Variants in STK10 observed in about 807,000 individuals in gnomAD.
The protein encoded by STK10 is serine/threonine kinase 10, also known as serine/threonine-protein kinase 10.
In STK10, 78 loss-of-function variants were observed where a neutral mutation model predicts 113.8. The observed-to-expected ratio is 0.69, with a 90% CI of 0.57 to 0.83. The LOEUF is 0.83. Among genes scored for constraint, STK10 ranks in the 40% least tolerant of loss-of-function variants. The pLI, the probability that STK10 is intolerant of heterozygous loss-of-function variation, is 0.00. For missense variants in STK10, 1,109 were observed against 1,280.1 expected (o/e 0.87, Z 2.04); for synonymous variants, 465 against 494.7 (o/e 0.94, Z 0.80).
At position 172,102,601 on chromosome 5, in the gene STK10, G is replaced by GT. The variant is rs1416811655; in HGVS notation, c.870+3054dup. On this transcript the variant is annotated intron_variant, in intron 7 of 18. Transcript: ENST00000176763. ...GAAGGAGAGGCTTATGACCAAGGGT[G>GT]TGTGGAGGCCTGGAGGTCGAGTGCC... Among the ~76,000 whole-genome samples, 6 of 152,156 alleles carry GT rather than the reference G, an allele frequency of 3.9e-5. No individual in the cohort carries two copies. The East Asian group carries it at 1.2e-3, about 29-fold the overall frequency.
At chr5:172,069,037 C>A (rs55938546) in intron 12 of STK10, among the ~76,000 whole-genome samples, 22,972 of 151,890 alleles carry the variant, frequency 0.15, 1,860 homozygotes, top group African/African-American at 0.18. Context: ...TATAATGCCC[C>A]AGAGCAACCA....
At chr5:172,055,482 G>C (rs1483400735) in intron 16 of STK10, 106 bp downstream of exon 16, 2 of 1,155,666 alleles carry the variant, frequency 1.7e-6, no homozygotes, top group South Asian at 3.2e-5. Flanking sequence ...GAGCCAGCCT[G>C]CATCTTGTTT....
rs1422388049 is a variant in STK10, at chr5:172,105,664, G to A, written c.862C>T (p.Leu288=). Reference sequence around the variant, plus strand: ...GAGGGGAATCCACTCACCTCCAGCAGCTGCGCGGCACTGGGTCGGGTTTCT... The same window carrying A: ...GAGGGGAATCCACTCACCTCCAGCAACTGCGCGGCACTGGGTCGGGTTTCT... ...NPETRPSAAQ[L]LEHPFVSSIT... is the part of the protein sequence containing the mutation. The change falls in exon 7 of 19, where the codon CTG becomes TTG. Residue 288 remains leucine (L), a synonymous_variant. Coordinates refer to ENST00000176763, the MANE Select transcript of STK10 (RefSeq NM_005990.4). The A allele has an allele frequency of 2.5e-6, 4 of 1,613,826 alleles. No individual in the cohort carries two copies. Among genetic ancestry groups the A allele is most frequent in the East Asian group, 4.5e-5 (2 of 44,882 alleles).
intron 7 of STK10, among the ~76,000 whole-genome samples, chr5:172,100,753 C>T (rs1235340489): frequency 6.6e-6 from 1 of 152,148 alleles, no homozygotes; most frequent in Admixed American, 6.6e-5. Context: ...GGCCACTGTA[C>T]TCCAGCCTGG....
intron 1 of STK10, among the ~76,000 whole-genome samples, chr5:172,176,400 C>T (rs1770759040): frequency 6.6e-6 from 1 of 152,194 alleles, no homozygotes; most frequent in Non-Finnish European, 1.5e-5. Context: ...TCACCTCTCA[C>T]CTGTCACCTC....
In STK10 at chr5:172,188,069, G is replaced by A. The variant is rs768978478; in HGVS notation, c.-27C>T. On this transcript the variant is annotated 5_prime_UTR_variant, in exon 1 of 19. Coordinates refer to ENST00000176763, the MANE Select transcript of STK10 (RefSeq NM_005990.4). The surrounding 1 kb of genome is among the most constrained non-coding windows in gnomAD (Gnocchi z 5.6). Reference sequence around the variant, plus strand: ...GCCGGGGGCGCGGTGGCGCCGGCTCGGGCTCGGGCTCGGGCTCGGGCTGTG... The same window carrying A: ...GCCGGGGGCGCGGTGGCGCCGGCTCAGGCTCGGGCTCGGGCTCGGGCTGTG... The A allele has an allele frequency of 3.8e-5, 60 of 1,585,570 alleles. No homozygotes were observed. In the South Asian group the frequency reaches 6.4e-4, roughly 17 times the overall value.
rs1453667322 is a variant in STK10 at position 172,082,079 on chromosome 5, A to G, written c.1989+247T>C. ...TTGCTAAGCTGGGAGGATGTAAAGG[A>G]AGCTGCCTGAGGCCACAGGGTGAGG... On this transcript the variant is annotated intron_variant, in intron 12 of 18. Coordinates refer to ENST00000176763, the MANE Select transcript of STK10 (RefSeq NM_005990.4). This position sits in a 1 kb window ranked among gnomAD's most constrained non-coding sequence, Gnocchi z 4.3. 6.6e-6 allele frequency among the ~76,000 whole-genome samples: 1 copy of G among 152,112 alleles called. No homozygotes were observed. The highest frequency in any genetic ancestry group is 1.9e-4 in the East Asian group (1 of 5,180).
chr5:172,177,172 TA>T (rs748019558), intron 1 of STK10, among the ~76,000 whole-genome samples: 19 of 140,778 alleles, frequency 1.3e-4, no homozygotes, highest in East Asian at 4.1e-4. Flanking sequence ...GTGCAGTCTT[TA>T]AAAAAAAAAA....
At chr5:172,135,072 A>C (rs1419499714) in intron 2 of STK10, among the ~76,000 whole-genome samples, 4 of 152,218 alleles carry the variant, frequency 2.6e-5, no homozygotes, top group African/African-American at 9.7e-5. Flanking sequence ...AATAGGCAAA[A>C]GATTTGAATA....
At chr5:172,152,095 C>T (rs1048677088) in intron 2 of STK10, among the ~76,000 whole-genome samples, 1 of 152,212 alleles carries the variant, frequency 6.6e-6, no homozygotes, top group Non-Finnish European at 1.5e-5. Flanking sequence ...CCCAGGAATG[C>T]CTACTGCATT....
chr5:172,071,563 G>A (rs1336717144), intron 12 of STK10, among the ~76,000 whole-genome samples: 1 of 152,022 alleles, frequency 6.6e-6, no homozygotes, highest in Non-Finnish European at 1.5e-5. Context: ...ACACATCCCT[G>A]GGTAGAGATG....
Position 172,096,459 on chromosome 5 carries a change from C to A in STK10, c.972G>T (p.Glu324Asp). The A allele has an allele frequency of 6.2e-7, 1 of 1,613,440 alleles. No homozygotes were observed. Among genetic ancestry groups the A allele is most frequent in the Non-Finnish European group, 8.5e-7 (1 of 1,180,012 alleles). The change falls in exon 8 of 19, where the codon GAG (glutamate) becomes GAT (aspartate). Residue 324 changes from glutamate to aspartate, a missense_variant. Around this residue, in one of 5 missense-constraint regions of STK10, gnomAD observed 885 missense variants for 991.1 expected, o/e 0.89. Coordinates refer to ENST00000176763, the MANE Select transcript of STK10 (RefSeq NM_005990.4). Reference sequence around the variant, plus strand: ...CATCCACGGCGTCCTCCTCTTCCCCCTCATCCCGGCCGTCTTCGATCTCTT... The same window carrying A: ...CATCCACGGCGTCCTCCTCTTCCCCATCATCCCGGCCGTCTTCGATCTCTT... ...VMEEIEDGRD[E>D]GEEEDAVDAA...
At chr5:172,119,218 A>G (rs1769451428) in intron 3 of STK10, among the ~76,000 whole-genome samples, 1 of 151,956 alleles carries the variant, frequency 6.6e-6, no homozygotes, top group South Asian at 2.1e-4. Flanking sequence ...GGCAGCAGGA[A>G]GAATATTCCT....
chr5:172,110,735 T>C (rs1365748212), intron 4 of STK10, among the ~76,000 whole-genome samples: 1 of 152,046 alleles, frequency 6.6e-6, no homozygotes, highest in Non-Finnish European at 1.5e-5. Context: ...AGTTTCCCCA[T>C]CTGTGACACG....
chr5:172,146,284 C>T (rs984538705), intron 2 of STK10, among the ~76,000 whole-genome samples: 12 of 152,214 alleles, frequency 7.9e-5, no homozygotes, highest in East Asian at 3.9e-4. Flanking sequence ...CCTGTCTAAA[C>T]GAGGGAGGTG....
chr5:172,152,376 T>C (rs10223190), intron 2 of STK10, among the ~76,000 whole-genome samples: 16,124 of 152,126 alleles, frequency 0.11, 965 homozygotes, highest in African/African-American at 0.15. Flanking sequence ...GGAAAAGAGA[T>C]CCCCCGGCCA....
intron 12 of STK10, among the ~76,000 whole-genome samples, chr5:172,080,176 C>G (rs774519612): frequency 2.0e-5 from 3 of 152,072 alleles, no homozygotes; most frequent in Non-Finnish European, 4.4e-5. Flanking sequence ...TAGGGTGCCA[C>G]GAGCCCATAT....
chr5:172,147,783 C>A (rs1322135627), intron 2 of STK10, among the ~76,000 whole-genome samples: 1 of 152,140 alleles, frequency 6.6e-6, no homozygotes, highest in Non-Finnish European at 1.5e-5. Flanking sequence ...TAGAGTCCTG[C>A]CTTAGGCAGG....
chr5:172,131,681 C>T (rs1769760108), intron 2 of STK10, among the ~76,000 whole-genome samples: 1 of 152,126 alleles, frequency 6.6e-6, no homozygotes, highest in African/African-American at 2.4e-5. Flanking sequence ...TTATCAGTGG[C>T]AGGAGGGCTA....
Sources: allele counts gnomAD v4.1 joint callset (sites outside exome capture counted in the v4.1 genomes callset), GRCh38; gene constraint gnomAD v4.1.1; regional missense constraint gnomAD v4.1.1; non-coding constraint Gnocchi (gnomAD v3.1); transcripts MANE v1.5; gene names NCBI Gene and HGNC (gene_info 2026-07-23, HGNC 2026-07-21).